Variants in C5 observed in about 807,000 individuals in gnomAD.
The protein encoded by C5 is C3 and PZP-like alpha-2-macroglobulin domain-containing protein 4.
Under a neutral mutation model 218.8 loss-of-function variants are expected in C5, and 140 were observed. The ratio of observed to expected loss-of-function variants is 0.64; its 90% confidence interval spans 0.56 to 0.74. The LOEUF (loss-of-function observed/expected upper bound fraction) is 0.74, where lower values mean the gene tolerates loss of function less well. C5 is among the 30% of genes least tolerant of loss of function. C5 has a pLI of 0.00. For missense variants in C5, 1,700 were observed against 1,969.6 expected, an observed-to-expected ratio of 0.86 and a Z score of 2.59; for synonymous variants, 614 against 682.3, an observed-to-expected ratio of 0.90 and a Z score of 1.56.
chr9:120,996,828 A>AGTC (rs1180043693), intron 21 of C5, among the ~76,000 whole-genome samples: 1 of 152,228 alleles, frequency 6.6e-6, no homozygotes, highest in Admixed American at 6.5e-5. Flanking sequence ...CAGGAAATCC[A>AGTC]GTCTGTCATT....
At chr9:120,994,411 C>T (rs1319153719) in intron 22 of C5, among the ~76,000 whole-genome samples, 1 of 151,808 alleles carries the variant, frequency 6.6e-6, no homozygotes, top group Non-Finnish European at 1.5e-5. Flanking sequence ...GGTAAAACCC[C>T]GTCTCTACTA....
intron 36 of C5, among the ~76,000 whole-genome samples, chr9:120,962,282 T>C (rs2046833149): frequency 6.6e-6 from 1 of 152,228 alleles, no homozygotes; most frequent in East Asian, 1.9e-4. Flanking sequence ...AATAGAGCTA[T>C]CTGCAAAGTG....
At chr9:120,982,257 G>A (rs921331976) in intron 26 of C5, among the ~76,000 whole-genome samples, 14 of 152,142 alleles carry the variant, frequency 9.2e-5, no homozygotes, top group Admixed American at 3.9e-4. Flanking sequence ...TGATCCGCCC[G>A]CCTTGGCCTC....
chr9:121,015,067 C>A, intron 16 of C5, 132 bp downstream of exon 16: 1 of 658,894 alleles, frequency 1.5e-6, no homozygotes, highest in South Asian at 1.8e-5. Flanking sequence ...GAGAGATAAG[C>A]TAGACCTCCA....
At chr9:120,956,278 A>G (rs767219471) in intron 39 of C5, among the ~76,000 whole-genome samples, 1 of 152,132 alleles carries the variant, frequency 6.6e-6, no homozygotes, top group Non-Finnish European at 1.5e-5. Context: ...TGGGTGACAG[A>G]GTGAAACGTC....
At chr9:121,074,731 T>A in the C5 span, 1 of 448,350 alleles carries the variant, frequency 2.2e-6, no homozygotes, top group Non-Finnish European at 4.5e-6. Context: ...CGGCTCCCCC[T>A]GACTCTGCAC....
At chr9:120,984,661 A>G (rs2047019360) in intron 25 of C5, among the ~76,000 whole-genome samples, 1 of 151,742 alleles carries the variant, frequency 6.6e-6, no homozygotes, top group South Asian at 2.1e-4. Context: ...ATATATGAAC[A>G]TACTTAAAAT....
chr9:121,038,099 G>T (rs2047545414), intron 3 of C5, 148 bp from the exon 4 acceptor site: 1 of 512,434 alleles, frequency 2.0e-6, no homozygotes, highest in East Asian at 3.1e-5. Flanking sequence ...AAATTAGTTT[G>T]CAGACATATA....
At position 121,002,136 on chromosome 9, in the gene C5, A is replaced by G. The variant is rs28405164; in HGVS notation, c.2562+3783T>C. Reference sequence around the variant, plus strand: ...TGAGGCAGTGTGTGTATATATATATATATGTATGTATATATGTATAGATAT... The same window carrying G: ...TGAGGCAGTGTGTGTATATATATATGTATGTATGTATATATGTATAGATAT... On this transcript the variant is annotated intron_variant, in intron 20 of 40. Transcript: ENST00000223642. Among the ~76,000 whole-genome samples the G allele has an allele frequency of 2.0e-5, 3 of 148,460 alleles. 1 individual carries two copies. In the East Asian group the frequency reaches 5.8e-4, roughly 29 times the overall value.
At chr9:121,070,473 GTA>G in the C5 span, among the ~76,000 whole-genome samples, 3 of 145,106 alleles carry the variant, frequency 2.1e-5, no homozygotes, top group East Asian at 4.0e-4. Flanking sequence ...TTCTGTATGT[GTA>G]TATATATGTG....
chr9:121,034,773 G>C, intron 5 of C5, 30 bp downstream of exon 5: 1 of 1,244,952 alleles, frequency 8.0e-7, no homozygotes, highest in Non-Finnish European at 1.2e-6. Context: ...AGTTCCGTAT[G>C]TGGTTTTATT....
chr9:121,003,834 A>G (rs1467632352), intron 20 of C5, among the ~76,000 whole-genome samples: 1 of 152,194 alleles, frequency 6.6e-6, no homozygotes, highest in Admixed American at 6.5e-5. Context: ...ATAACTATTA[A>G]GCCAATTGAG....
At chr9:121,067,331 G>C in the C5 span, among the ~76,000 whole-genome samples, 1 of 151,942 alleles carries the variant, frequency 6.6e-6, no homozygotes, top group South Asian at 2.1e-4. Flanking sequence ...GAGAGGCCAA[G>C]GTGGGCGGAT....
In C5 at chr9:120,989,705, C is replaced by G. The variant is rs754352144; in HGVS notation, c.3017G>C (p.Gly1006Ala). The G allele has an allele frequency of 1.2e-5, 20 of 1,613,902 alleles. No homozygotes were observed. The East Asian group carries it at 4.2e-4, about 34-fold the overall frequency. The change falls in exon 24 of 41, where the codon GGG (glycine) becomes GCG (alanine). Residue 1006 changes from glycine (G) to alanine (A), a missense_variant. Gly to Ala is a moderately conservative substitution (Grantham distance 60). Transcript: ENST00000223642. ...GINILTHLPK[G>A]SAEAELMSVV... ...GCTCATCAGCTCCGCCTCTGCACTC[C>G]CTTTGGGGAGGTGGGTTAGGATATT...
the C5 span, among the ~76,000 whole-genome samples, chr9:121,070,271 C>A: frequency 6.6e-6 from 1 of 151,282 alleles, no homozygotes; most frequent in Non-Finnish European, 1.5e-5. Flanking sequence ...GCAGGAGAAT[C>A]GCTTGAACCT....
chr9:121,006,153 G>A, intron 19 of C5, 95 bp from the exon 20 acceptor site: 1 of 1,225,848 alleles, frequency 8.2e-7, no homozygotes, highest in East Asian at 2.4e-5. Flanking sequence ...TTTACTTCAA[G>A]GAAAAAATAA....
At chr9:120,959,405 C>T (rs1436368234) in intron 38 of C5, among the ~76,000 whole-genome samples, 3 of 151,680 alleles carry the variant, frequency 2.0e-5, no homozygotes, top group African/African-American at 4.8e-5. Flanking sequence ...ATTACAGGCA[C>T]GCACCACTAT....
chr9:120,976,785 T>C lies in C5; in HGVS notation c.3779A>G (p.Asn1260Ser). 6.2e-7 allele frequency: 1 copy of C among 1,614,154 alleles called. No homozygotes were observed. The highest frequency in any genetic ancestry group is 8.5e-7 in the Non-Finnish European group (1 of 1,179,994). Residue 1260 changes from asparagine to serine, a missense_variant, in exon 29 of 41, where the codon AAC (asparagine) becomes AGC (serine). Asn to Ser is a conservative substitution (Grantham distance 46). Transcript: ENST00000223642. Reference protein sequence around the residue: ...TTAYALLTSLNLKDINYVNPV... With the variant: ...TTAYALLTSLSLKDINYVNPV... ...GTTAACATAATTTATATCTTTCAAG[T>C]TCAGACTGGTGAGTAAAGCATAGGC...
chr9:121,019,812 C>T (rs1186732779), intron 12 of C5, among the ~76,000 whole-genome samples, 164 bp downstream of exon 12: 3 of 152,114 alleles, frequency 2.0e-5, no homozygotes, highest in Non-Finnish European at 4.4e-5. Flanking sequence ...GAAAATCATG[C>T]CCTATTTCAA....
Sources: gnomAD v4.1 joint callset for allele counts (sites outside exome capture counted in the v4.1 genomes callset) on GRCh38, gnomAD v4.1.1 for gene constraint, MANE v1.5 for transcripts, NCBI Gene and HGNC (gene_info 2026-07-23, HGNC 2026-07-21) for gene names.